Variants in RAPGEF6 observed in about 807,000 individuals in gnomAD.
RAPGEF6 encodes Rap guanine nucleotide exchange factor 6.
In RAPGEF6, 56 loss-of-function variants were observed where a neutral mutation model predicts 171.4. The ratio of observed to expected loss-of-function variants is 0.33; its 90% confidence interval spans 0.26 to 0.41. The LOEUF is 0.41. Among genes scored for constraint, RAPGEF6 ranks in the 10% least tolerant of loss-of-function variants. The probability of loss-of-function intolerance (pLI) is 1.00; values close to 1 mark genes in which losing one functional copy is unlikely to be tolerated. For missense variants in RAPGEF6, 1,674 were observed against 1,921.4 expected, an observed-to-expected ratio of 0.87 and a Z score of 2.41; for synonymous variants, 692 against 650.1, an observed-to-expected ratio of 1.06 and a Z score of -0.98.
intron 3 of RAPGEF6, among the ~76,000 whole-genome samples, chr5:131,600,349 C>T (rs1764154470): frequency 6.6e-6 from 1 of 152,044 alleles, no homozygotes; most frequent in African/African-American, 2.4e-5. Context: ...TGGTGAAACC[C>T]CATCTCTACT....
intron 3 of RAPGEF6, among the ~76,000 whole-genome samples, chr5:131,600,275 A>G (rs1381019435): frequency 2.0e-5 from 3 of 152,168 alleles, no homozygotes; most frequent in Non-Finnish European, 4.4e-5. Flanking sequence ...TAATCCCAGC[A>G]CTTTGGGAGG....
At chr5:131,459,829 G>A (rs1365928430) in intron 19 of RAPGEF6, among the ~76,000 whole-genome samples, 2 of 152,104 alleles carry the variant, frequency 1.3e-5, no homozygotes, top group Non-Finnish European at 2.9e-5. Context: ...CTGGGGAGAG[G>A]AATTTGGGTG....
intron 21 of RAPGEF6, among the ~76,000 whole-genome samples, chr5:131,450,935 C>T (rs982287695): frequency 3.3e-5 from 5 of 152,110 alleles, no homozygotes; most frequent in African/African-American, 9.7e-5. Context: ...ATGGCTAGTA[C>T]TTAGTATATT....
At chr5:131,490,828 T>C (rs1406728464) in intron 14 of RAPGEF6, among the ~76,000 whole-genome samples, 1 of 152,124 alleles carries the variant, frequency 6.6e-6, no homozygotes, top group Non-Finnish European at 1.5e-5. Context: ...GCAAATGAAA[T>C]AAAAGTGATC....
intron 13 of RAPGEF6, among the ~76,000 whole-genome samples, chr5:131,493,455 C>A (rs763347028): frequency 7.2e-5 from 11 of 152,170 alleles, no homozygotes; most frequent in African/African-American, 2.4e-4. Flanking sequence ...TCTTTTAAAA[C>A]CTTTATTCAA....
At chr5:131,548,430 A>C (rs1760695892) in intron 5 of RAPGEF6, among the ~76,000 whole-genome samples, 1 of 152,220 alleles carries the variant, frequency 6.6e-6, no homozygotes, top group Admixed American at 6.5e-5. Context: ...ATAAACATAC[A>C]TCCTCTAAGT....
intron 16 of RAPGEF6, among the ~76,000 whole-genome samples, chr5:131,477,407 C>G (rs1250098295): frequency 6.6e-6 from 1 of 152,198 alleles, no homozygotes; most frequent in Admixed American, 6.5e-5. Context: ...CAAGCATTTT[C>G]TTGTTGGCAC....
intron 4 of RAPGEF6, among the ~76,000 whole-genome samples, chr5:131,583,425 C>T (rs569157086): frequency 2.6e-5 from 4 of 152,342 alleles, no homozygotes; most frequent in Admixed American, 1.3e-4. Flanking sequence ...TAAGTCACAC[C>T]TGCAGACCAA....
chr5:131,562,848 T>C (rs1009736707), intron 4 of RAPGEF6, among the ~76,000 whole-genome samples: 1 of 152,110 alleles, frequency 6.6e-6, no homozygotes, highest in Non-Finnish European at 1.5e-5. Flanking sequence ...GTGCCAACTA[T>C]ATATAAAGAA....
chr5:131,450,608 A>G, intron 21 of RAPGEF6, among the ~76,000 whole-genome samples: 1 of 152,302 alleles, frequency 6.6e-6, no homozygotes, highest in Admixed American at 6.5e-5. Context: ...ATAATACTAT[A>G]TATCTTTACA....
At chr5:131,606,138 G>A (rs1243132257) in intron 1 of RAPGEF6, among the ~76,000 whole-genome samples, 2 of 151,814 alleles carry the variant, frequency 1.3e-5, no homozygotes, top group Non-Finnish European at 2.9e-5. Flanking sequence ...CAAGGTGGGT[G>A]GATCACTTGA....
intron 4 of RAPGEF6, among the ~76,000 whole-genome samples, chr5:131,589,648 T>A (rs1448273585): frequency 6.6e-6 from 1 of 152,222 alleles, no homozygotes; most frequent in Non-Finnish European, 1.5e-5. Context: ...CCATACTTTG[T>A]GATAAGGATG....
At chr5:131,536,946 C>T (rs981793008) in intron 6 of RAPGEF6, among the ~76,000 whole-genome samples, 5 of 152,144 alleles carry the variant, frequency 3.3e-5, no homozygotes, top group Non-Finnish European at 7.4e-5. Context: ...ATGACCATTA[C>T]GTCCCTTCTC....
intron 4 of RAPGEF6, among the ~76,000 whole-genome samples, chr5:131,564,126 G>A (rs1024670719): frequency 6.6e-6 from 1 of 152,222 alleles, no homozygotes; most frequent in Non-Finnish European, 1.5e-5. Flanking sequence ...TGACAATTTC[G>A]CTGAGTTGAA....
intron 3 of RAPGEF6, among the ~76,000 whole-genome samples, chr5:131,600,541 G>T (rs889423056): frequency 2.4e-5 from 3 of 125,512 alleles, no homozygotes; most frequent in African/African-American, 8.9e-5. Context: ...AGGAAGGAAG[G>T]AAGGAAGGAA....
intron 1 of RAPGEF6, among the ~76,000 whole-genome samples, chr5:131,617,933 A>G (rs1266403801): frequency 2.0e-5 from 3 of 152,226 alleles, no homozygotes; most frequent in South Asian, 2.1e-4. Flanking sequence ...TATAAACAAC[A>G]TTCGGCAAAA....
chr5:131,536,353 GAC>G (rs1420348067), intron 6 of RAPGEF6, among the ~76,000 whole-genome samples: 1 of 152,100 alleles, frequency 6.6e-6, no homozygotes, highest in African/African-American at 2.4e-5. Flanking sequence ...GCAGTTATCA[GAC>G]ACAGTTAACT....
chr5:131,445,566 C>A (rs1219861103), intron 22 of RAPGEF6, among the ~76,000 whole-genome samples: 1 of 147,428 alleles, frequency 6.8e-6, no homozygotes, highest in African/African-American at 2.6e-5. Flanking sequence ...TAACCCACTG[C>A]GTGTGTCTGT....
intron 14 of RAPGEF6, among the ~76,000 whole-genome samples, chr5:131,490,670 G>A (rs964348733): frequency 1.3e-5 from 2 of 151,982 alleles, no homozygotes; most frequent in African/African-American, 4.8e-5. Flanking sequence ...GTCACTGTGG[G>A]AAAAAAATGT....
Sources: gnomAD v4.1 joint callset for allele counts (sites outside exome capture counted in the v4.1 genomes callset) on GRCh38, gnomAD v4.1.1 for gene constraint, MANE v1.5 for transcripts, NCBI Gene and HGNC (gene_info 2026-07-23, HGNC 2026-07-21) for gene names.